Variants in MYO15A observed in about 807,000 individuals in gnomAD.
MYO15A encodes myosin XVA.
MYO15A carries 308 observed loss-of-function variants against 394.6 expected under a neutral mutation model. The ratio of observed to expected loss-of-function variants is 0.78; its 90% CI spans 0.71 to 0.86. The LOEUF is 0.86. MYO15A is among the 40% of genes least tolerant of loss of function. The pLI, the probability that MYO15A is intolerant of heterozygous loss-of-function variation, is 0.00. For synonymous variants in MYO15A, 1,957 were observed against 2,003.8 expected (o/e 0.98, Z 0.62); for missense variants, 4,606 against 4,799.1 (o/e 0.96, Z 1.19).
chr17:18,174,830 C>G (rs939267586), intron 65 of MYO15A, among the ~76,000 whole-genome samples: 2 of 152,206 alleles, frequency 1.3e-5, no homozygotes, highest in Non-Finnish European at 2.9e-5. Context: ...ATGACAGGGC[C>G]TGTCTTGGAG....
At position 18,118,653 on chromosome 17, in the gene MYO15A, C is replaced by T; in HGVS notation, c.-148C>T. On this transcript the variant is annotated 5_prime_UTR_variant, in exon 2 of 66. Coordinates refer to ENST00000647165, the MANE Select transcript of MYO15A (RefSeq NM_016239.4). ...TCCCGGAATCCTGGCTCGGCCCTCC[C>T]CACGCCACCCAGGGCCAGTCGGGTC... 7.9e-7 allele frequency: 1 copy of T among 1,260,204 alleles called. No homozygotes were observed. The highest frequency in any genetic ancestry group is 1.1e-6 in the Non-Finnish European group (1 of 916,978). The allele number at this position is 1,260,204 out of a possible 1,614,324, so 78.1% of individuals were successfully genotyped here. A position where few individuals can be genotyped will look rare whatever the true frequency, so the allele number is the denominator to read the frequency against.
chr17:18,133,756 A>C (rs2046212437), intron 12 of MYO15A, among the ~76,000 whole-genome samples: 1 of 151,162 alleles, frequency 6.6e-6, no homozygotes, highest in South Asian at 2.1e-4. Context: ...TCCCAGGCTC[A>C]AGTGATTCTC....
At chr17:18,131,867 C>T (rs2046174216) in intron 10 of MYO15A, among the ~76,000 whole-genome samples, 1 of 152,144 alleles carries the variant, frequency 6.6e-6, no homozygotes, top group Non-Finnish European at 1.5e-5. Flanking sequence ...GGAAGCTCCC[C>T]ATTTAAAAAC....
chr17:18,137,488 A>G, intron 15 of MYO15A, 96 bp from the exon 16 acceptor site: 1 of 1,025,624 alleles, frequency 9.8e-7, no homozygotes, highest in South Asian at 1.3e-5. Context: ...CCTGTGGCTG[A>G]GCTCCAGCTT....
At position 18,139,629 on chromosome 17, in the gene MYO15A, C is replaced by T. The variant is rs554734567; in HGVS notation, c.5211+18C>T. 1 of 1,613,040 alleles carries T rather than the reference C, an allele frequency of 6.2e-7. No homozygotes were observed. The highest frequency in any genetic ancestry group is 1.1e-5 in the South Asian group (1 of 90,826). On this transcript the variant is annotated intron_variant, in intron 19 of 65. Coordinates refer to ENST00000647165, the MANE Select transcript of MYO15A (RefSeq NM_016239.4). ...GGACACGGGTAAGCCTCGCCTCCCA[C>T]CGCTCTGGCCCTGCCCCCAGGCATG...
chr17:18,178,995 A>C lies in MYO15A; in HGVS notation c.*125A>C, dbSNP rs1329554575. 1 of 934,206 alleles carries C rather than the reference A, an allele frequency of 1.1e-6. No individual in the cohort carries two copies. Among genetic ancestry groups the C allele is most frequent in the African/African-American group, 1.6e-5 (1 of 61,290 alleles). 57.9% of individuals were successfully genotyped at this position (934,206 alleles called of 1,614,324 possible). A position where few individuals can be genotyped will look rare whatever the true frequency, so the allele number is the denominator to read the frequency against. Reference sequence around the variant, plus strand: ...CAGAGCCTTGGAGGACACTAAGAGGAGGCAGGAGGAGCAACTCAAATCCCC... The same window carrying C: ...CAGAGCCTTGGAGGACACTAAGAGGCGGCAGGAGGAGCAACTCAAATCCCC... On this transcript the variant is annotated 3_prime_UTR_variant, in exon 66 of 66. Coordinates refer to ENST00000647165, the MANE Select transcript of MYO15A (RefSeq NM_016239.4).
chr17:18,167,454 A>G, intron 61 of MYO15A, 136 bp from the exon 62 acceptor site: 2 of 1,409,258 alleles, frequency 1.4e-6, no homozygotes, highest in Non-Finnish European at 2.0e-6. Flanking sequence ...CCCGAAACCC[A>G]GGAAAGTAAT....
In MYO15A at chr17:18,121,202, T is replaced by G; in HGVS notation, c.2402T>G (p.Leu801Trp). The G allele has an allele frequency of 6.6e-7, 1 of 1,504,326 alleles. No individual in the cohort carries two copies. The highest frequency in any genetic ancestry group is 8.8e-7 in the Non-Finnish European group (1 of 1,133,150). The allele number at this position is 1,504,326 out of a possible 1,614,324, so 93.2% of individuals were successfully genotyped here. A position where few individuals can be genotyped will look rare whatever the true frequency, so the allele number is the denominator to read the frequency against. Residue 801 changes from leucine (L) to tryptophan (W), a missense_variant, in exon 2 of 66, where the codon TTG (leucine) becomes TGG (tryptophan). By Grantham distance (61) the Leu-to-Trp change is moderately conservative. Coordinates refer to ENST00000647165, the MANE Select transcript of MYO15A (RefSeq NM_016239.4). The surrounding 1 kb of genome is among the most constrained non-coding windows in gnomAD (Gnocchi z 5.3). ...GCGCCCCCGTCGCCTCAGCTGTCCT[T>G]GCGCACGGGCCCCTTCCAGCCGCCC... ...PLAPPSPQLS[L>W]RTGPFQPPFL...
In MYO15A at chr17:18,163,830, C is replaced by T. The variant is rs1436146888; in HGVS notation, c.9779C>T (p.Thr3260Ile). 6.2e-7 allele frequency: 1 copy of T among 1,613,446 alleles called. No homozygotes were observed. Among genetic ancestry groups the T allele is most frequent in the East Asian group, 2.2e-5 (1 of 44,870 alleles). Residue 3260 changes from threonine to isoleucine, a missense_variant, in exon 60 of 66, where the codon ACC (threonine) becomes ATC (isoleucine). Around this residue, in one of 2 missense-constraint regions of MYO15A, gnomAD observed 2,776 missense variants for 3,109.3 expected, o/e 0.89. Transcript: ENST00000647165. ...AFNEYVIFVV[T>I]NRGQHVCPLS... ...AATGAATATGTTATCTTCGTTGTCACCAACCGTGGTGAGTGCCAGGAAGAC... is the reference window on the plus strand; with the variant it reads ...AATGAATATGTTATCTTCGTTGTCATCAACCGTGGTGAGTGCCAGGAAGAC...
chr17:18,151,474 T>C lies in MYO15A; in HGVS notation c.7734T>C (p.Asn2578=). The C allele has an allele frequency of 6.2e-7, 1 of 1,614,102 alleles. No individual in the cohort carries two copies. Among genetic ancestry groups the C allele is most frequent in the Non-Finnish European group, 8.5e-7 (1 of 1,180,018 alleles). Residue 2578 remains asparagine (N), a synonymous_variant, in exon 40 of 66, where the codon AAT becomes AAC. Coordinates refer to ENST00000647165, the MANE Select transcript of MYO15A (RefSeq NM_016239.4). Reference sequence around the variant, plus strand: ...CACAGCCCACACAGCAGATCAAGAATATTGTCAGGCAGTACCAGCAGCCGT... The same window carrying C: ...CACAGCCCACACAGCAGATCAAGAACATTGTCAGGCAGTACCAGCAGCCGT... ...HFPQPTQQIK[N]IVRQYQQPFR...
chr17:18,149,128 G>A, intron 33 of MYO15A, 88 bp from the exon 34 acceptor site: 1 of 1,550,560 alleles, frequency 6.4e-7, no homozygotes, highest in Non-Finnish European at 8.8e-7. Context: ...AATGGAGAAA[G>A]CCACTGAATA....
intron 35 of MYO15A, 116 bp downstream of exon 35, chr17:18,149,696 G>T: frequency 1.9e-6 from 2 of 1,070,130 alleles, no homozygotes; most frequent in Non-Finnish European, 2.8e-6. Flanking sequence ...ATGGGGTGGT[G>T]TGTCCCATCT....
Position 18,143,536 on chromosome 17 carries a change from C to T in MYO15A, c.5911-30C>T, listed in dbSNP as rs758941826. On this transcript the variant is annotated intron_variant, in intron 25 of 65. Coordinates refer to ENST00000647165, the MANE Select transcript of MYO15A (RefSeq NM_016239.4). Reference sequence around the variant, plus strand: ...TGCCGGTCGTCACCTCTGCCTGCCACTCCCCAACCTGACATCTTCTCTTCT... The same window carrying T: ...TGCCGGTCGTCACCTCTGCCTGCCATTCCCCAACCTGACATCTTCTCTTCT... The T allele has an allele frequency of 2.6e-6, 4 of 1,550,502 alleles. No homozygotes were observed. In the African/African-American group the frequency reaches 5.5e-5, roughly 21 times the overall value.
At chr17:18,152,769 G>A (rs1041211098) in intron 42 of MYO15A, among the ~76,000 whole-genome samples, 5 of 152,086 alleles carry the variant, frequency 3.3e-5, no homozygotes, top group African/African-American at 1.2e-4. Context: ...AACACTCCAA[G>A]CCCACTCCTG....
chr17:18,178,973 A>G lies in MYO15A; in HGVS notation c.*103A>G. ...ATCAATGACCCCTGTAAGGGGCCAG[A>G]GCCTTGGAGGACACTAAGAGGAGGC... On this transcript the variant is annotated 3_prime_UTR_variant, in exon 66 of 66. Coordinates refer to ENST00000647165, the MANE Select transcript of MYO15A (RefSeq NM_016239.4). The G allele has an allele frequency of 1.7e-6, 2 of 1,184,172 alleles. No individual in the cohort carries two copies. 73.4% of individuals were successfully genotyped at this position (1,184,172 alleles called of 1,614,324 possible).
Position 18,153,790 on chromosome 17 carries a change from C to T in MYO15A, c.7982C>T (p.Ser2661Leu). 1 of 1,613,668 alleles carries T rather than the reference C, an allele frequency of 6.2e-7. No homozygotes were observed. Among genetic ancestry groups the T allele is most frequent in the South Asian group, 1.1e-5 (1 of 91,090 alleles). The change falls in exon 43 of 66, where the codon TCG becomes TTG. Residue 2661 changes from serine (S) to leucine (L), a missense_variant. By Grantham distance (145) the Ser-to-Leu change is moderately radical. This residue lies in a region of MYO15A where 2,776 missense variants were observed against 3,109.3 expected (regional missense o/e 0.89). Transcript: ENST00000647165. The surrounding 1 kb of genome is among the most constrained non-coding windows in gnomAD (Gnocchi z 4.1). ...MAPTSALPSRSLEPPEELTQT... is the reference protein window; with the variant it reads ...MAPTSALPSRLLEPPEELTQT... ...CGCTCTCCAGCTCTGCCCTCGCGAT[C>T]GCTGGAGCCCCCTGAGGAACTCACG...
Position 18,119,167 on chromosome 17 carries a change from C to T in MYO15A, c.367C>T (p.Arg123Cys). The T allele has an allele frequency of 6.2e-7, 1 of 1,612,176 alleles. No individual in the cohort carries two copies. The highest frequency in any genetic ancestry group is 2.2e-5 in the East Asian group (1 of 44,866). Residue 123 changes from arginine to cysteine, a missense_variant, in exon 2 of 66, where the codon CGC becomes TGC. Physicochemically the swap from Arg to Cys is radical, Grantham distance 180. Transcript: ENST00000647165. ...GRRGYGRLRP[R>C]ARSLSKASTA... ...CCGTGGCTACGGCCGCCTGCGGCCG[C>T]GCGCCCGGTCACTCAGCAAAGCGTC...
In MYO15A at chr17:18,155,200, A is replaced by C. The variant is rs892416685; in HGVS notation, c.8315A>C (p.Tyr2772Ser). 3 of 1,613,854 alleles carry C rather than the reference A, an allele frequency of 1.9e-6. No homozygotes were observed. Among genetic ancestry groups the C allele is most frequent in the Non-Finnish European group, 2.5e-6 (3 of 1,179,992 alleles). The change falls in exon 46 of 66, where the codon TAC (tyrosine) becomes TCC (serine). Residue 2772 changes from tyrosine (Y) to serine (S), a missense_variant. Tyr to Ser is a moderately radical substitution (Grantham distance 144, BLOSUM62 -2). Coordinates refer to ENST00000647165, the MANE Select transcript of MYO15A (RefSeq NM_016239.4). ...ACTGCACGAGACACCTGGGAGGTCT[A>C]CTTCTCCCGCATCTTCCCCGCCACG... ...VSTARDTWEVYFSRIFPATGS... is the reference protein window; with the variant it reads ...VSTARDTWEVSFSRIFPATGS...
rs1171509090 is a variant in MYO15A at position 18,121,848 on chromosome 17, C to T, written c.3048C>T (p.Ala1016=). 1 of 1,612,842 alleles carries T rather than the reference C, an allele frequency of 6.2e-7. No individual in the cohort carries two copies. The highest frequency in any genetic ancestry group is 1.3e-5 in the African/African-American group (1 of 75,056). ...GPTPEKPEEE[A]TLGDPQLPAE... is the part of the protein sequence containing the mutation. ...CCCCTGAGAAGCCTGAAGAAGAGGC[C>T]ACCCTGGGGGACCCCCAGCTGCCAG... Residue 1016 remains alanine (A), a synonymous_variant, in exon 2 of 66, where the codon GCC becomes GCT. Transcript: ENST00000647165. The surrounding 1 kb of genome is among the most constrained non-coding windows in gnomAD (Gnocchi z 5.3).
Sources: gnomAD v4.1 joint callset for allele counts (sites outside exome capture counted in the v4.1 genomes callset) on GRCh38, gnomAD v4.1.1 for gene constraint, gnomAD v4.1.1 regional missense constraint, Gnocchi (gnomAD v3.1) non-coding constraint, MANE v1.5 for transcripts, NCBI Gene and HGNC (gene_info 2026-07-23, HGNC 2026-07-21) for gene names.